Variants in FBXO4 observed in about 807,000 individuals in gnomAD.
FBXO4 encodes F-box protein 4.
FBXO4 carries 36 observed loss-of-function variants against 43.7 expected under a neutral mutation model. The observed-to-expected ratio is 0.82, with a 90% CI of 0.63 to 1.09. The LOEUF (loss-of-function observed/expected upper bound fraction) is 1.09, where lower values mean the gene tolerates loss of function less well. FBXO4 is among the 50% of genes least tolerant of loss of function. FBXO4 has a pLI of 0.00. For missense variants in FBXO4, 435 were observed against 474.1 expected (o/e 0.92, Z 0.77); for synonymous variants, 180 against 165.6 (o/e 1.09, Z -0.67).
chr5:42,022,629 A>G, the FBXO4 span, among the ~76,000 whole-genome samples: 1 of 152,108 alleles, frequency 6.6e-6, no homozygotes, highest in Non-Finnish European at 1.5e-5. Context: ...TCTCTGACAG[A>G]CGGCATTATC....
At chr5:41,955,932 T>A in the FBXO4 span, among the ~76,000 whole-genome samples, 2 of 152,344 alleles carry the variant, frequency 1.3e-5, no homozygotes, top group African/African-American at 4.8e-5. Flanking sequence ...ACTGCTCTGC[T>A]TCTTCCTAGT....
chr5:41,970,949 T>C, the FBXO4 span, among the ~76,000 whole-genome samples: 1 of 151,918 alleles, frequency 6.6e-6, no homozygotes, highest in Admixed American at 6.6e-5. Context: ...GTTAGTATTA[T>C]GAAAAAGAGA....
At chr5:42,003,841 G>T in the FBXO4 span, among the ~76,000 whole-genome samples, 15 of 152,062 alleles carry the variant, frequency 9.9e-5, no homozygotes, top group African/African-American at 3.6e-4. Flanking sequence ...TCTAGAACTA[G>T]AAATACCATG....
At chr5:41,986,189 G>T in the FBXO4 span, among the ~76,000 whole-genome samples, 3 of 151,986 alleles carry the variant, frequency 2.0e-5, no homozygotes, top group South Asian at 2.1e-4. Context: ...TTAAAGGCAG[G>T]TTCCACCTAC....
the FBXO4 span, among the ~76,000 whole-genome samples, chr5:42,035,082 A>G: frequency 6.6e-6 from 1 of 151,854 alleles, no homozygotes; most frequent in African/African-American, 2.4e-5. Flanking sequence ...CTTTGTAACA[A>G]TTGTGACTGG....
At chr5:41,958,074 G>A in the FBXO4 span, among the ~76,000 whole-genome samples, 3 of 151,072 alleles carry the variant, frequency 2.0e-5, no homozygotes, top group African/African-American at 4.9e-5. Context: ...TAACATATAC[G>A]TTATCTCACA....
chr5:42,024,019 C>T, the FBXO4 span, among the ~76,000 whole-genome samples: 4 of 152,058 alleles, frequency 2.6e-5, no homozygotes, highest in East Asian at 1.9e-4. Context: ...TAGGTTGTGA[C>T]CTTACTGGTC....
chr5:41,987,558 A>C, the FBXO4 span, among the ~76,000 whole-genome samples: 1 of 152,184 alleles, frequency 6.6e-6, no homozygotes, highest in African/African-American at 2.4e-5. Context: ...AATGATCTTA[A>C]CATTTTCCTG....
chr5:41,985,743 A>G, the FBXO4 span, among the ~76,000 whole-genome samples: 1 of 152,128 alleles, frequency 6.6e-6, no homozygotes, highest in Non-Finnish European at 1.5e-5. Context: ...TCTACCTTAT[A>G]AGCTGAAAAC....
the FBXO4 span, among the ~76,000 whole-genome samples, chr5:41,962,239 G>A: frequency 6.6e-6 from 1 of 152,156 alleles, no homozygotes; most frequent in Non-Finnish European, 1.5e-5. Context: ...CTGTGCCTTC[G>A]TTTTAGCTAG....
chr5:42,016,608 T>C, the FBXO4 span, among the ~76,000 whole-genome samples: 1 of 152,064 alleles, frequency 6.6e-6, no homozygotes, highest in Non-Finnish European at 1.5e-5. Context: ...ATAAAAACTA[T>C]GTTCTCAGCA....
chr5:42,009,742 T>C, the FBXO4 span, among the ~76,000 whole-genome samples: 1 of 152,222 alleles, frequency 6.6e-6, no homozygotes, highest in Non-Finnish European at 1.5e-5. Context: ...GAAGACTAAG[T>C]GTTCCTTTTA....
the FBXO4 span, among the ~76,000 whole-genome samples, chr5:42,005,348 A>AT: frequency 6.6e-6 from 1 of 152,098 alleles, no homozygotes; most frequent in African/African-American, 2.4e-5. Flanking sequence ...CTTAGGAGGG[A>AT]TTTTGAACTG....
chr5:42,018,150 T>C, the FBXO4 span, among the ~76,000 whole-genome samples: 2 of 148,760 alleles, frequency 1.3e-5, no homozygotes, highest in Admixed American at 6.7e-5. Context: ...ACTATATATA[T>C]AAAATTATAT....
chr5:42,023,457 G>A, the FBXO4 span, among the ~76,000 whole-genome samples: 2,435 of 152,104 alleles, frequency 0.016, 121 homozygotes, highest in East Asian at 0.1. Context: ...TAGTAGCTTT[G>A]TTCCTCTCTA....
At chr5:42,016,536 C>T in the FBXO4 span, among the ~76,000 whole-genome samples, 2 of 151,268 alleles carry the variant, frequency 1.3e-5, no homozygotes, top group Non-Finnish European at 2.9e-5. Context: ...ACCTTGCAAC[C>T]TCCTGTAAAC....
chr5:41,964,183 G>C, the FBXO4 span, among the ~76,000 whole-genome samples: 3 of 152,048 alleles, frequency 2.0e-5, no homozygotes. Context: ...TTGAACATTT[G>C]TTGTTAAAAT....
the FBXO4 span, among the ~76,000 whole-genome samples, chr5:41,992,929 C>T: frequency 6.6e-6 from 1 of 152,142 alleles, no homozygotes; most frequent in African/African-American, 2.4e-5. Context: ...GAAATAAATG[C>T]ATTCTTCAAC....
chr5:42,030,937 T>G, the FBXO4 span, among the ~76,000 whole-genome samples: 3 of 152,066 alleles, frequency 2.0e-5, no homozygotes, highest in Admixed American at 2.0e-4. Context: ...AGAATGGCAA[T>G]CATTAAAAAG....
Sources: gnomAD v4.1 joint callset for allele counts (sites outside exome capture counted in the v4.1 genomes callset) on GRCh38, gnomAD v4.1.1 for gene constraint, MANE v1.5 for transcripts, NCBI Gene and HGNC (gene_info 2026-07-23, HGNC 2026-07-21) for gene names.